The following DDX21 variants were observed in gnomAD, a reference collection of about 807,000 sequenced individuals.
The protein encoded by DDX21 is DExD-box helicase 21.
Under a neutral mutation model 90.0 loss-of-function variants are expected in DDX21, and 18 were observed. The observed-to-expected ratio is 0.20, with a 90% CI of 0.14 to 0.30. The LOEUF is 0.30. Among genes scored for constraint, DDX21 ranks in the 10% least tolerant of loss-of-function variants. DDX21 has a pLI of 1.00. For missense variants in DDX21, 673 were observed against 944.5 expected (o/e 0.71, Z 3.77); for synonymous variants, 294 against 318.0 (o/e 0.92, Z 0.80).
At chr10:68,979,382 A>G (rs1053016581) in intron 13 of DDX21, among the ~76,000 whole-genome samples, 1 of 152,196 alleles carries the variant, frequency 6.6e-6, no homozygotes, top group Non-Finnish European at 1.5e-5. Context: ...TGTTTATGCC[A>G]TAGACTATCA....
intron 12 of DDX21, 66 bp from the exon 13 acceptor site, chr10:68,978,776 G>A: frequency 6.5e-7 from 1 of 1,542,662 alleles, no homozygotes; most frequent in African/African-American, 1.4e-5. Context: ...AATCACAAAA[G>A]CAGGTATTTA....
intron 12 of DDX21, among the ~76,000 whole-genome samples, chr10:68,978,052 T>A (rs1489285144): frequency 6.6e-6 from 1 of 151,962 alleles, no homozygotes; most frequent in African/African-American, 2.4e-5. Flanking sequence ...CTCAGGAGGT[T>A]GAGGCTGCAG....
intron 3 of DDX21, among the ~76,000 whole-genome samples, chr10:68,962,718 T>G (rs1319315460): frequency 6.6e-6 from 1 of 152,186 alleles, no homozygotes; most frequent in Non-Finnish European, 1.5e-5. Flanking sequence ...TTTTATCTCT[T>G]TCACTTCTGA....
Position 68,958,477 on chromosome 10 carries a change from C to T in DDX21, c.88-1329C>T, listed in dbSNP as rs1457695922. On this transcript the variant is annotated intron_variant, in intron 1 of 14. Transcript: ENST00000354185. ...TTTTTGAGACAGTCTTGCTGTGTCGCCCAGGCTGGAGTGCAGTGGCATGAT... is the reference window on the plus strand; with the variant it reads ...TTTTTGAGACAGTCTTGCTGTGTCGTCCAGGCTGGAGTGCAGTGGCATGAT... Among the ~76,000 whole-genome samples, 6 of 152,052 alleles carry T rather than the reference C, an allele frequency of 3.9e-5. No individual in the cohort carries two copies. The East Asian group carries it at 9.6e-4, about 24-fold the overall frequency.
intron 11 of DDX21, among the ~76,000 whole-genome samples, chr10:68,977,084 T>A (rs1843112205): frequency 6.6e-6 from 1 of 152,070 alleles, no homozygotes; most frequent in Non-Finnish European, 1.5e-5. Context: ...CTTTTTTTTT[T>A]AAACTTCAGA....
chr10:68,977,995 C>G (rs1296483619), intron 12 of DDX21, among the ~76,000 whole-genome samples: 3 of 151,218 alleles, frequency 2.0e-5, no homozygotes, highest in Non-Finnish European at 4.4e-5. Flanking sequence ...ATGCTGTGGT[C>G]CCAGCTACCT....
At chr10:68,965,880 T>C (rs796708319) in intron 5 of DDX21, among the ~76,000 whole-genome samples, 7 of 102,350 alleles carry the variant, frequency 6.8e-5, no homozygotes, top group African/African-American at 2.9e-4. Context: ...TTTCTTTCCT[T>C]GGGGCTCAAG....
Position 68,983,153 on chromosome 10 carries a change from C to T in DDX21, c.*341C>T. The T allele has an allele frequency of 3.6e-6, 1 of 275,804 alleles. No individual in the cohort carries two copies. The highest frequency in any genetic ancestry group is 4.6e-5 in the South Asian group (1 of 21,806). The allele number at this position is 275,804 out of a possible 1,614,324, so 17.1% of individuals were successfully genotyped here. A position where few individuals can be genotyped will look rare whatever the true frequency, so the allele number is the denominator to read the frequency against. ...CCTGTCTTTATACTCAAAAGTGTCC[C>T]TTAATAGTGTCCTTCCCTGAAATAA... On this transcript the variant is annotated 3_prime_UTR_variant, in exon 15 of 15. Transcript: ENST00000354185.
chr10:68,973,023 T>C (rs916782169), intron 9 of DDX21, among the ~76,000 whole-genome samples: 1 of 151,990 alleles, frequency 6.6e-6, no homozygotes, highest in African/African-American at 2.4e-5. Context: ...TGTGAAACCC[T>C]GTCTATACTA....
chr10:68,978,790 A>C, intron 12 of DDX21, 52 bp from the exon 13 acceptor site: 3 of 1,565,952 alleles, frequency 1.9e-6, no homozygotes, highest in Non-Finnish European at 2.6e-6. Context: ...GTATTTATCA[A>C]TTAGGTTTAT....
chr10:68,975,052 T>C (rs1843079309), intron 11 of DDX21, among the ~76,000 whole-genome samples: 1 of 152,220 alleles, frequency 6.6e-6, no homozygotes, highest in African/African-American at 2.4e-5. Context: ...CCCTCGTTTC[T>C]ACTCATTCCT....
Position 68,977,647 on chromosome 10 carries a change from G to T in DDX21, c.1861G>T (p.Ala621Ser). Residue 621 changes from alanine (A) to serine (S), a missense_variant, in exon 12 of 15, where the codon GCC (alanine) becomes TCC (serine). Ala to Ser is a moderately conservative substitution (Grantham distance 99). This residue lies in a region of DDX21 where 225 missense variants were observed against 298.8 expected (regional missense o/e 0.75). Transcript: ENST00000354185. ...LAAALAHISG[A>S]TSVDQRSLIN... ...AGCAGCACTGGCCCATATTTCAGGT[G>T]CCACGTCCGTAGACCAGCGCTCCTT... 6.2e-7 allele frequency: 1 copy of T among 1,613,566 alleles called. No individual in the cohort carries two copies. The highest frequency in any genetic ancestry group is 8.5e-7 in the Non-Finnish European group (1 of 1,179,580).
At chr10:68,972,877 A>T (rs1377967333) in intron 9 of DDX21, among the ~76,000 whole-genome samples, 1 of 152,208 alleles carries the variant, frequency 6.6e-6, no homozygotes, top group East Asian at 1.9e-4. Context: ...TAGATAGTAT[A>T]TTGAAATGAT....
chr10:68,975,936 G>A (rs1173760337), intron 11 of DDX21, among the ~76,000 whole-genome samples: 1 of 151,600 alleles, frequency 6.6e-6, no homozygotes, highest in Non-Finnish European at 1.5e-5. Flanking sequence ...ATAATCCCAG[G>A]TACTTGGGAG....
rs1190909811 is a variant in DDX21 at position 68,981,519 on chromosome 10, A to G, written c.2038-18A>G. ...ATGTGCGTTGGTTGGATTAACTTCC[A>G]TTTGCTTTGATTTCTAGGGTGTTTG... On this transcript the variant is annotated intron_variant, in intron 13 of 14. Transcript: ENST00000354185. The G allele has an allele frequency of 1.1e-5, 17 of 1,611,352 alleles. No individual in the cohort carries two copies. The highest frequency in any genetic ancestry group is 1.4e-5 in the Non-Finnish European group (16 of 1,178,614).
Position 68,967,089 on chromosome 10 carries a change from G to A in DDX21, c.976G>A (p.Gly326Ser). ...PGRIKDHIQN[G>S]KLDLTKLKHV... ...TCGTATCAAAGACCACATACAGAAT[G>A]GCAAACTAGATCTCACCAAACTTAA... is the stretch of plus-strand genomic sequence containing the variant. The change falls in exon 6 of 15, where the codon GGC becomes AGC. Residue 326 changes from glycine (G) to serine (S), a missense_variant. Gly to Ser is a moderately conservative substitution (Grantham distance 56). Around this residue, in one of 4 missense-constraint regions of DDX21, gnomAD observed 218 missense variants for 347.3 expected, o/e 0.63. Transcript: ENST00000354185. 6.2e-7 allele frequency: 1 copy of A among 1,612,118 alleles called. No homozygotes were observed.
Position 68,959,795 on chromosome 10 carries a change from A to AT in DDX21, c.88-3dup. On this transcript the variant is annotated splice_polypyrimidine_tract_variant and intron_variant, in intron 1 of 14. Coordinates refer to ENST00000354185, the MANE Select transcript of DDX21 (RefSeq NM_004728.4). ...TTCAGTGTTTGTATTTTCCTTATGA[A>AT]TTTTTTTTAGAAAGAGAAAAAAGAG... is the stretch of plus-strand genomic sequence containing the variant. 5.9e-6 allele frequency: 9 copies of AT among 1,518,654 alleles called. No homozygotes were observed. Among genetic ancestry groups the AT allele is most frequent in the Admixed American group, 2.5e-5 (1 of 40,238 alleles). 94.1% of individuals were successfully genotyped at this position (1,518,654 alleles called of 1,614,324 possible).
chr10:68,977,601 G>T lies in DDX21; in HGVS notation c.1815G>T (p.Lys605Asn). 6.2e-7 allele frequency: 1 copy of T among 1,614,030 alleles called. No homozygotes were observed. Among genetic ancestry groups the T allele is most frequent in the Non-Finnish European group, 8.5e-7 (1 of 1,179,912 alleles). ...CAGCTGAGAAGCTGATAGAGGAGAA[G>T]GGAGCTGTGGAAGCTCTGGCAGCAG... is the stretch of plus-strand genomic sequence containing the variant. ...KQSAEKLIEE[K>N]GAVEALAAAL... Residue 605 changes from lysine (K) to asparagine (N), a missense_variant, in exon 12 of 15, where the codon AAG becomes AAT. Lys to Asn is a moderately conservative substitution (Grantham distance 94). Transcript: ENST00000354185.
At chr10:68,977,051 C>CA (rs1186300198) in intron 11 of DDX21, among the ~76,000 whole-genome samples, 1 of 151,586 alleles carries the variant, frequency 6.6e-6, no homozygotes, top group Non-Finnish European at 1.5e-5. Context: ...GCTGGGACTA[C>CA]AGGCATGTGC....
Sources: gnomAD v4.1 joint callset for allele counts (sites outside exome capture counted in the v4.1 genomes callset) on GRCh38, gnomAD v4.1.1 for gene constraint, gnomAD v4.1.1 regional missense constraint, MANE v1.5 for transcripts, NCBI Gene and HGNC (gene_info 2026-07-23, HGNC 2026-07-21) for gene names.